Variants in OPRM1 observed in about 807,000 individuals in gnomAD.
OPRM1 encodes mu-type opioid receptor.
A neutral mutation model predicts 31.8 loss-of-function variants in OPRM1; 27 were observed. The observed-to-expected ratio is 0.85, with a 90% CI of 0.63 to 1.17. The LOEUF is 1.17. Among genes scored for constraint, OPRM1 ranks in the 50% most tolerant of loss-of-function variants. OPRM1 has a pLI of 0.00. For synonymous variants in OPRM1, 196 were observed against 189.9 expected, an observed-to-expected ratio of 1.03 and a Z score of -0.26; for missense variants, 536 against 511.1, an observed-to-expected ratio of 1.05 and a Z score of -0.47.
chr6:154,049,923 G>T (rs928339646), intron 1 of OPRM1, among the ~76,000 whole-genome samples: 1 of 152,176 alleles, frequency 6.6e-6, no homozygotes. Flanking sequence ...TTATGTTGAA[G>T]ATTTTTGCAT....
intron 1 of OPRM1, among the ~76,000 whole-genome samples, chr6:154,072,852 C>T (rs1272327813): frequency 6.6e-6 from 1 of 152,212 alleles, no homozygotes; most frequent in African/African-American, 2.4e-5. Context: ...GCATACTCAA[C>T]CACCTGATTG....
chr6:154,222,314 C>A (rs2128617721), intron 3 of OPRM1, among the ~76,000 whole-genome samples: 1 of 152,376 alleles, frequency 6.6e-6, no homozygotes, highest in Admixed American at 6.5e-5. Context: ...CAGCACTGGA[C>A]ATGTGCAACC....
intron 3 of OPRM1, among the ~76,000 whole-genome samples, chr6:154,103,777 G>T (rs762941948): frequency 4.6e-5 from 7 of 152,068 alleles, no homozygotes; most frequent in Non-Finnish European, 1.0e-4. Flanking sequence ...TCATGGTGTT[G>T]GTGGGAGTGT....
intron 1 of OPRM1, among the ~76,000 whole-genome samples, chr6:154,080,794 A>C (rs1360789793): frequency 6.6e-6 from 1 of 152,132 alleles, no homozygotes; most frequent in Non-Finnish European, 1.5e-5. Flanking sequence ...CCATACATCC[A>C]AAGTGTCAAC....
chr6:154,011,765 C>CATGT (rs796433346), intron 1 of OPRM1, among the ~76,000 whole-genome samples: 58 of 151,976 alleles, frequency 3.8e-4, no homozygotes, highest in African/African-American at 1.4e-3. Context: ...AAAATAGGCC[C>CATGT]ATTTATTTAT....
chr6:154,102,570 C>T (rs907246156), intron 3 of OPRM1, among the ~76,000 whole-genome samples: 3 of 152,088 alleles, frequency 2.0e-5, no homozygotes, highest in East Asian at 1.9e-4. Context: ...TCAACCTTGG[C>T]GCTAGTGACA....
chr6:154,199,792 A>C (rs1180606656), intron 3 of OPRM1: 1 of 1,614,216 alleles, frequency 6.2e-7, no homozygotes, highest in Admixed American at 1.7e-5. Flanking sequence ...ATGTGACAAA[A>C]CTGTTTTCCA....
chr6:154,133,360 C>T (rs10485059), downstream of OPRM1, among the ~76,000 whole-genome samples: 7,899 of 152,184 alleles, frequency 0.052, 682 homozygotes, highest in African/African-American at 0.18. Flanking sequence ...GATTAAAGTC[C>T]GATCCCTTCC....
At chr6:154,240,854 G>C (rs912638191) in intron 3 of OPRM1, among the ~76,000 whole-genome samples, 1 of 152,088 alleles carries the variant, frequency 6.6e-6, no homozygotes, top group Non-Finnish European at 1.5e-5. Context: ...AGACATATTG[G>C]GGCCTCAAAG....
At position 154,121,422 on chromosome 6, in the gene OPRM1, C is replaced by G. The variant is rs536266732; in HGVS notation, c.*2701C>G. On this transcript the variant is annotated 3_prime_UTR_variant, in exon 4 of 4. Coordinates refer to ENST00000330432, the MANE Select transcript of OPRM1 (RefSeq NM_000914.5). ...CTAGGACCCTGCTATCCTATCCCAACAGGGCTGTCAGACGGAGAACTCCTA... is the reference window on the plus strand; with the variant it reads ...CTAGGACCCTGCTATCCTATCCCAAGAGGGCTGTCAGACGGAGAACTCCTA... Among the ~76,000 whole-genome samples, 32 of 152,300 alleles carry G rather than the reference C, an allele frequency of 2.1e-4. No individual in the cohort carries two copies. Among genetic ancestry groups the G allele is most frequent in the African/African-American group, 7.5e-4 (31 of 41,578 alleles).
At chr6:154,031,101 A>G (rs940726342) in intron 1 of OPRM1, among the ~76,000 whole-genome samples, 2 of 152,208 alleles carry the variant, frequency 1.3e-5, no homozygotes, top group African/African-American at 4.8e-5. Context: ...AAAATTTTCT[A>G]TGTAGTTTAA....
chr6:154,116,672 C>A (rs1033521909), intron 3 of OPRM1, among the ~76,000 whole-genome samples: 2 of 151,924 alleles, frequency 1.3e-5, no homozygotes, highest in Non-Finnish European at 2.9e-5. Flanking sequence ...TCCAGGGTAG[C>A]AAACCTTATT....
intron 3 of OPRM1, among the ~76,000 whole-genome samples, chr6:154,219,649 T>A (rs536862709): frequency 6.6e-6 from 1 of 151,908 alleles, no homozygotes; most frequent in African/African-American, 2.4e-5. Context: ...AAAAAAAAAA[T>A]AAGTAAAGAT....
At chr6:154,118,196 TTCAAA>T (rs1797074423) in intron 3 of OPRM1, among the ~76,000 whole-genome samples, 2 of 152,190 alleles carry the variant, frequency 1.3e-5, no homozygotes, top group African/African-American at 4.8e-5. Context: ...GGGTGTATAC[TTCAAA>T]TCAGTTACAG....
At chr6:154,101,698 G>C (rs1794854284) in intron 3 of OPRM1, among the ~76,000 whole-genome samples, 1 of 152,066 alleles carries the variant, frequency 6.6e-6, no homozygotes, top group South Asian at 2.1e-4. Context: ...AGAAATTGAA[G>C]GCCAGAAATG....
In OPRM1 at chr6:154,122,282, A is replaced by G. The variant is rs1797350575; in HGVS notation, c.*3561A>G. Among the ~76,000 whole-genome samples the G allele has an allele frequency of 6.6e-6, 1 of 152,240 alleles. No individual in the cohort carries two copies. The highest frequency in any genetic ancestry group is 2.4e-5 in the African/African-American group (1 of 41,476). On this transcript the variant is annotated 3_prime_UTR_variant, in exon 4 of 4. Coordinates refer to ENST00000330432, the MANE Select transcript of OPRM1 (RefSeq NM_000914.5). ...AAAATTGGTTTCTCAAGGAATCCCTACTGCCCTTGTAGAAACATCAAGATT... is the reference window on the plus strand; with the variant it reads ...AAAATTGGTTTCTCAAGGAATCCCTGCTGCCCTTGTAGAAACATCAAGATT...
At position 154,039,613 on chromosome 6, in the gene OPRM1, C is replaced by T. The variant is rs1013340206; in HGVS notation, c.69C>T (p.Ser23=). Residue 23 remains serine (S), a synonymous_variant, in exon 1 of 4, where the codon TCC becomes TCT. Transcript: ENST00000330432. ...ATGCCTTGGCGTACTCAAGTTGCTC[C>T]CCAGCACCCAGCCCCGGTTCCTGGG... The part of the protein sequence containing the change: ...CTDALAYSSC[S]PAPSPGSWVN... The T allele has an allele frequency of 6.2e-7, 1 of 1,613,918 alleles. No individual in the cohort carries two copies. The highest frequency in any genetic ancestry group is 8.5e-7 in the Non-Finnish European group (1 of 1,179,822).
At chr6:154,074,943 A>G (rs780485387) in intron 1 of OPRM1, among the ~76,000 whole-genome samples, 2 of 152,160 alleles carry the variant, frequency 1.3e-5, no homozygotes, top group South Asian at 2.1e-4. Context: ...GGAAGAAATA[A>G]TAGCCCCAAA....
chr6:154,235,429 G>A (rs1780039713), intron 3 of OPRM1, among the ~76,000 whole-genome samples: 1 of 151,606 alleles, frequency 6.6e-6, no homozygotes, highest in African/African-American at 2.4e-5. Context: ...CTACTCGAGA[G>A]GCTGAGCAGG....
Sources: allele counts gnomAD v4.1 joint callset (sites outside exome capture counted in the v4.1 genomes callset), GRCh38; gene constraint gnomAD v4.1.1; transcripts MANE v1.5; gene names NCBI Gene and HGNC (gene_info 2026-07-23, HGNC 2026-07-21).